DCDC2: variants seen among roughly 807,000 people sequenced by gnomAD.
The protein encoded by DCDC2 is doublecortin domain-containing protein 2.
In DCDC2, 40 loss-of-function variants were observed where a neutral mutation model predicts 50.2. The observed-to-expected ratio is 0.80, with a 90% confidence interval of 0.62 to 1.04. The LOEUF (loss-of-function observed/expected upper bound fraction) is 1.04, where lower values mean the gene tolerates loss of function less well. Ranked by LOEUF, DCDC2 falls within the 50% of genes least tolerant of loss-of-function variation. The pLI, the probability that DCDC2 is intolerant of heterozygous loss-of-function variation, is 0.00. For missense variants in DCDC2, 570 were observed against 581.9 expected, an observed-to-expected ratio of 0.98 and a Z score of 0.21; for synonymous variants, 234 against 210.6, an observed-to-expected ratio of 1.11 and a Z score of -0.96.
rs374945714 is a variant in DCDC2, at chr6:24,216,361, C to T, written c.923-11259G>A. 9.0e-4 allele frequency among the ~76,000 whole-genome samples: 137 copies of T among 151,936 alleles called. No individual in the cohort carries two copies. In the South Asian group the frequency reaches 0.027, roughly 29 times the overall value. Reference sequence around the variant, plus strand: ...AAAGAGTAGGCTGTCAAGGAAGATGCGGGAAAGTGGAAGTCAACACCAAAG... The same window carrying T: ...AAAGAGTAGGCTGTCAAGGAAGATGTGGGAAAGTGGAAGTCAACACCAAAG... On this transcript the variant is annotated intron_variant, in intron 7 of 9. Transcript: ENST00000378454.
At chr6:24,226,774 T>C (rs1161519629) in intron 7 of DCDC2, among the ~76,000 whole-genome samples, 1 of 151,978 alleles carries the variant, frequency 6.6e-6, no homozygotes, top group Admixed American at 6.6e-5. Flanking sequence ...CTGTGGGAGG[T>C]AGCAAGGAAG....
chr6:24,248,635 G>A (rs981503668), intron 7 of DCDC2, among the ~76,000 whole-genome samples: 6 of 152,026 alleles, frequency 3.9e-5, no homozygotes, highest in African/African-American at 1.2e-4. Flanking sequence ...ACTAAGAGGC[G>A]AATTTAATTT....
intron 8 of DCDC2, among the ~76,000 whole-genome samples, chr6:24,186,014 C>G (rs2113746443): frequency 6.6e-6 from 1 of 152,304 alleles, no homozygotes; most frequent in South Asian, 2.1e-4. Context: ...CATCCTCACT[C>G]TCAGTTATGT....
At chr6:24,380,013 G>T in the DCDC2 span, among the ~76,000 whole-genome samples, 189 of 149,730 alleles carry the variant, frequency 1.3e-3, no homozygotes, top group Non-Finnish European at 1.6e-3. Context: ...ACACAGGGAA[G>T]GGACCATCAC....
intron 9 of DCDC2, among the ~76,000 whole-genome samples, chr6:24,177,229 G>C (rs1936389): frequency 6.6e-6 from 1 of 152,088 alleles, no homozygotes; most frequent in Non-Finnish European, 1.5e-5. Flanking sequence ...ATAGGACTAT[G>C]ATTATCTCAC....
chr6:24,356,360 A>G lies in DCDC2; in HGVS notation c.293+1098T>C, dbSNP rs867666068. Among the ~76,000 whole-genome samples, 12 of 152,188 alleles carry G rather than the reference A, an allele frequency of 7.9e-5. No homozygotes were observed. In the South Asian group the frequency reaches 1.0e-3, roughly 13 times the overall value. On this transcript the variant is annotated intron_variant, in intron 1 of 9. Transcript: ENST00000378454. Reference sequence around the variant, plus strand: ...TATATGATATGTCCAGAATAGACAAATCCATAGATTCAGAAAATAGATTAG... The same window carrying G: ...TATATGATATGTCCAGAATAGACAAGTCCATAGATTCAGAAAATAGATTAG...
rs1561759961 is a variant in DCDC2, at chr6:24,288,881, TAGG to T, written c.727_729del (p.Pro243del). ...CCTTTAGACTTTCTGGATCCTACAA[TAGG>T]AGGTAGTGAAGAAGCTTTCTGACTG... On this transcript the variant is annotated inframe_deletion, in exon 6 of 10. Coordinates refer to ENST00000378454, the MANE Select transcript of DCDC2 (RefSeq NM_016356.5). 6.2e-7 allele frequency: 1 copy of T among 1,602,966 alleles called. No homozygotes were observed. The highest frequency in any genetic ancestry group is 1.8e-5 in the Admixed American group (1 of 56,786).
intron 7 of DCDC2, among the ~76,000 whole-genome samples, chr6:24,242,549 A>C (rs1244377836): frequency 1.3e-5 from 2 of 152,170 alleles, no homozygotes; most frequent in Non-Finnish European, 2.9e-5. Flanking sequence ...CCTCTGTGAG[A>C]GTATTTACCA....
At chr6:24,274,118 A>G (rs1424828435) in intron 7 of DCDC2, among the ~76,000 whole-genome samples, 9 of 152,214 alleles carry the variant, frequency 5.9e-5, no homozygotes, top group African/African-American at 1.7e-4. Context: ...AAACGTACTT[A>G]CAATTATCAA....
intron 7 of DCDC2, among the ~76,000 whole-genome samples, chr6:24,245,752 A>G (rs1762657304): frequency 6.6e-6 from 1 of 152,212 alleles, no homozygotes; most frequent in Admixed American, 6.5e-5. Context: ...GAGATTACTA[A>G]AAAGTGCATC....
intron 2 of DCDC2, among the ~76,000 whole-genome samples, chr6:24,327,459 T>A (rs2113855933): frequency 7.5e-6 from 1 of 133,590 alleles, no homozygotes; most frequent in African/African-American, 3.0e-5. Flanking sequence ...TAAACTTATT[T>A]ATTTATTTAT....
At chr6:24,376,615 A>T in the DCDC2 span, among the ~76,000 whole-genome samples, 20 of 152,208 alleles carry the variant, frequency 1.3e-4, no homozygotes, top group African/African-American at 3.9e-4. Flanking sequence ...TATGGGATGC[A>T]CATGTACTTT....
chr6:24,320,886 G>T (rs1759761705), intron 2 of DCDC2, among the ~76,000 whole-genome samples: 1 of 151,376 alleles, frequency 6.6e-6, no homozygotes, highest in Non-Finnish European at 1.5e-5. Context: ...TTTATTCCAG[G>T]GCCAGAGAAA....
chr6:24,206,703 A>G (rs554486909), intron 7 of DCDC2, among the ~76,000 whole-genome samples: 4 of 152,356 alleles, frequency 2.6e-5, no homozygotes, highest in African/African-American at 9.6e-5. Context: ...TAAGCATTTT[A>G]CCAGAAAAGA....
chr6:24,381,492 A>C, the DCDC2 span, among the ~76,000 whole-genome samples: 1 of 152,228 alleles, frequency 6.6e-6, no homozygotes, highest in African/African-American at 2.4e-5. Context: ...CCTCAGCGGC[A>C]GGCTTAAGAT....
intron 6 of DCDC2, among the ~76,000 whole-genome samples, chr6:24,285,564 C>A (rs72830866): frequency 0.11 from 17,348 of 152,036 alleles, 1,086 homozygotes; most frequent in Middle Eastern, 0.17. Flanking sequence ...TACTACTGTG[C>A]CATACACCTG....
chr6:24,270,111 C>T (rs917386749), intron 7 of DCDC2, among the ~76,000 whole-genome samples: 3 of 152,174 alleles, frequency 2.0e-5, no homozygotes, highest in African/African-American at 4.8e-5. Context: ...AACACACACA[C>T]GAGAGCTTCC....
the DCDC2 span, among the ~76,000 whole-genome samples, chr6:24,371,283 A>T: frequency 7.4e-6 from 1 of 135,806 alleles, no homozygotes; most frequent in African/African-American, 2.6e-5. Flanking sequence ...TCTCAAAAAA[A>T]AAAAAAAAAA....
the DCDC2 span, among the ~76,000 whole-genome samples, chr6:24,376,933 T>C: frequency 2.0e-5 from 3 of 152,102 alleles, no homozygotes; most frequent in African/African-American, 7.2e-5. Context: ...GGAGATCCCA[T>C]TCTGAGGGAT....
Sources: allele counts gnomAD v4.1 joint callset (sites outside exome capture counted in the v4.1 genomes callset), GRCh38; gene constraint gnomAD v4.1.1; transcripts MANE v1.5; gene names NCBI Gene and HGNC (gene_info 2026-07-23, HGNC 2026-07-21).